The following PRKAR2B variants were observed in gnomAD, a reference collection of about 807,000 sequenced individuals.
PRKAR2B encodes the protein cAMP-dependent protein kinase type II-beta regulatory subunit.
PRKAR2B carries 14 observed loss-of-function variants against 49.9 expected under a neutral mutation model. The ratio of observed to expected loss-of-function variants is 0.28; its 90% CI spans 0.19 to 0.44. PRKAR2B has a LOEUF of 0.44. Ranked by LOEUF, PRKAR2B falls within the 20% of genes least tolerant of loss-of-function variation. PRKAR2B has a pLI of 1.00. For missense variants in PRKAR2B, 393 were observed against 537.9 expected, an observed-to-expected ratio of 0.73 and a Z score of 2.67; for synonymous variants, 196 against 197.7, an observed-to-expected ratio of 0.99 and a Z score of 0.07.
intron 5 of PRKAR2B, among the ~76,000 whole-genome samples, chr7:107,143,524 T>A (rs1019539711): frequency 6.6e-6 from 1 of 152,230 alleles, no homozygotes; most frequent in Non-Finnish European, 1.5e-5. Context: ...CTATGCTGCT[T>A]AGTTGCCCCA....
chr7:107,125,742 G>C (rs1016294405), intron 3 of PRKAR2B, among the ~76,000 whole-genome samples: 2 of 152,222 alleles, frequency 1.3e-5, no homozygotes, highest in South Asian at 2.1e-4. Flanking sequence ...AACAGGAGGA[G>C]AGCAGTAGAC....
At chr7:107,150,336 A>T (rs1225614901) in intron 6 of PRKAR2B, among the ~76,000 whole-genome samples, 1 of 152,134 alleles carries the variant, frequency 6.6e-6, no homozygotes, top group Non-Finnish European at 1.5e-5. Context: ...ACATAGTTGT[A>T]GTTTCTCTGT....
At chr7:107,122,613 G>A (rs2237657) in intron 3 of PRKAR2B, among the ~76,000 whole-genome samples, 59,746 of 151,936 alleles carry the variant, frequency 0.39, 14,412 homozygotes, top group Non-Finnish European at 0.51. Flanking sequence ...TAATTTCTGC[G>A]TCACCCTCCC....
intron 2 of PRKAR2B, among the ~76,000 whole-genome samples, chr7:107,101,207 G>A: frequency 6.8e-6 from 1 of 147,344 alleles, no homozygotes; most frequent in Non-Finnish European, 1.5e-5. Context: ...ATGGTATGTG[G>A]CTGCTAATGT....
chr7:107,060,423 A>C (rs1794003983), intron 1 of PRKAR2B, among the ~76,000 whole-genome samples: 1 of 152,242 alleles, frequency 6.6e-6, no homozygotes, highest in African/African-American at 2.4e-5. Flanking sequence ...CTTTGACAGT[A>C]GGATGGATGT....
chr7:107,098,394 C>G (rs1037188519), intron 2 of PRKAR2B, among the ~76,000 whole-genome samples: 2 of 152,160 alleles, frequency 1.3e-5, no homozygotes, highest in African/African-American at 4.8e-5. Flanking sequence ...ACTGTTTATT[C>G]TAGTTAGCCA....
chr7:107,054,293 G>T (rs528275064), intron 1 of PRKAR2B, among the ~76,000 whole-genome samples: 8 of 152,346 alleles, frequency 5.3e-5, no homozygotes, highest in African/African-American at 1.9e-4. Flanking sequence ...GGCAGAGCTT[G>T]CAGTGAGCTG....
chr7:107,102,837 A>G (rs1453246474), intron 2 of PRKAR2B, among the ~76,000 whole-genome samples: 3 of 151,914 alleles, frequency 2.0e-5, no homozygotes, highest in African/African-American at 7.3e-5. Flanking sequence ...TGCCTAGCTA[A>G]TTTTTGTATT....
chr7:107,112,874 A>G (rs1049232647), intron 2 of PRKAR2B, among the ~76,000 whole-genome samples: 2 of 152,044 alleles, frequency 1.3e-5, no homozygotes, highest in Non-Finnish European at 2.9e-5. Context: ...ATTTTTTTAG[A>G]CTTCTGATAA....
chr7:107,159,937 TAATC>T lies in PRKAR2B; in HGVS notation c.*357_*360del, dbSNP rs925087849. 2.2e-4 allele frequency: 37 copies of T among 168,702 alleles called. No homozygotes were observed. The highest frequency in any genetic ancestry group is 2.9e-3 in the Middle Eastern group (1 of 340). The allele number at this position is 168,702 out of a possible 1,614,324, so 10.5% of individuals were successfully genotyped here. A position where few individuals can be genotyped will look rare whatever the true frequency, so the allele number is the denominator to read the frequency against. On this transcript the variant is annotated 3_prime_UTR_variant, in exon 11 of 11. Coordinates refer to ENST00000265717, the MANE Select transcript of PRKAR2B (RefSeq NM_002736.3). ...TATGTGTTTTACTTATTCAGACTGATAATCATATTAGTGACTATCCCCATGTAAG... is the reference window on the plus strand; with the variant it reads ...TATGTGTTTTACTTATTCAGACTGATATATTAGTGACTATCCCCATGTAAG...
At chr7:107,119,588 A>G (rs1795352211) in intron 2 of PRKAR2B, among the ~76,000 whole-genome samples, 2 of 152,220 alleles carry the variant, frequency 1.3e-5, no homozygotes, top group Non-Finnish European at 2.9e-5. Flanking sequence ...CAACCCAGTT[A>G]AAGTGTCCCA....
At chr7:107,093,503 CTTTTTTTTCTTT>C (rs1483501822) in intron 2 of PRKAR2B, among the ~76,000 whole-genome samples, 1 of 111,592 alleles carries the variant, frequency 9.0e-6, no homozygotes, top group African/African-American at 2.9e-5. Flanking sequence ...CCAGTGCCCA[CTTTTTTTTCTTT>C]TTTTTTTTTA....
chr7:107,090,949 CTTTACA>C (rs1794722690), intron 2 of PRKAR2B, among the ~76,000 whole-genome samples: 1 of 152,166 alleles, frequency 6.6e-6, no homozygotes, highest in Non-Finnish European at 1.5e-5. Context: ...AGAAATAATA[CTTTACA>C]TTTACACCAC....
intron 1 of PRKAR2B, among the ~76,000 whole-genome samples, chr7:107,062,599 T>C (rs920868522): frequency 6.6e-5 from 10 of 152,200 alleles, no homozygotes; most frequent in African/African-American, 2.4e-4. Flanking sequence ...CTTTCCAAGG[T>C]GTTGAAAATG....
chr7:107,061,915 A>G (rs1466058198), intron 1 of PRKAR2B, among the ~76,000 whole-genome samples: 1 of 152,140 alleles, frequency 6.6e-6, no homozygotes. Flanking sequence ...AAGAAGACAT[A>G]AGAATGGCCA....
intron 2 of PRKAR2B, among the ~76,000 whole-genome samples, chr7:107,103,073 A>G (rs965468939): frequency 6.6e-6 from 1 of 152,372 alleles, no homozygotes. Context: ...TTCATATTTC[A>G]AACATAAGAA....
At chr7:107,117,153 T>C (rs1345186757) in intron 2 of PRKAR2B, among the ~76,000 whole-genome samples, 1 of 151,142 alleles carries the variant, frequency 6.6e-6, no homozygotes, top group Non-Finnish European at 1.5e-5. Context: ...TATAAAAAAA[T>C]ACAGTAAGTC....
At chr7:107,057,596 ACT>A (rs1393779489) in intron 1 of PRKAR2B, among the ~76,000 whole-genome samples, 1 of 152,086 alleles carries the variant, frequency 6.6e-6, no homozygotes, top group Non-Finnish European at 1.5e-5. Flanking sequence ...TTGAAGCCTG[ACT>A]CTGCCATTTA....
chr7:107,124,117 G>C (rs1795439521), intron 3 of PRKAR2B, among the ~76,000 whole-genome samples: 1 of 152,184 alleles, frequency 6.6e-6, no homozygotes, highest in Non-Finnish European at 1.5e-5. Flanking sequence ...TAAGTCTGTA[G>C]TATAAACAGA....
Sources: gnomAD v4.1 joint callset for allele counts (sites outside exome capture counted in the v4.1 genomes callset) on GRCh38, gnomAD v4.1.1 for gene constraint, MANE v1.5 for transcripts, NCBI Gene and HGNC (gene_info 2026-07-23, HGNC 2026-07-21) for gene names.